Variants in EPS15 observed in about 807,000 individuals in gnomAD.
EPS15 encodes the protein epidermal growth factor receptor pathway substrate 15.
Under a neutral mutation model 113.8 loss-of-function variants are expected in EPS15, and 72 were observed. The observed-to-expected ratio is 0.63, with a 90% CI of 0.52 to 0.77. The LOEUF (loss-of-function observed/expected upper bound fraction) is 0.77, where lower values mean the gene tolerates loss of function less well. Among genes scored for constraint, EPS15 ranks in the 30% least tolerant of loss-of-function variants. The probability of loss-of-function intolerance (pLI) is 0.00; values close to 1 mark genes in which losing one functional copy is unlikely to be tolerated. For synonymous variants in EPS15, 344 were observed against 363.4 expected (o/e 0.95, Z 0.61); for missense variants, 1,048 against 1,045.8 (o/e 1.00, Z -0.03).
intron 1 of EPS15, among the ~76,000 whole-genome samples, chr1:51,505,751 T>C (rs1220545183): frequency 6.6e-6 from 1 of 152,126 alleles, no homozygotes; most frequent in Non-Finnish European, 1.5e-5. Context: ...AAAAAAAGTC[T>C]CTTAATAAAA....
chr1:51,477,550 T>C (rs775922424), intron 2 of EPS15, among the ~76,000 whole-genome samples: 1 of 152,234 alleles, frequency 6.6e-6, no homozygotes, highest in Non-Finnish European at 1.5e-5. Context: ...GATGTTAGGT[T>C]GTCAATTTTA....
intron 1 of EPS15, among the ~76,000 whole-genome samples, chr1:51,497,040 A>C (rs1305209119): frequency 3.9e-5 from 6 of 152,234 alleles, no homozygotes; most frequent in Non-Finnish European, 7.4e-5. Flanking sequence ...ACTGAATAAC[A>C]AGAAATCTTC....
chr1:51,402,085 C>G (rs751045605), intron 18 of EPS15, among the ~76,000 whole-genome samples: 1 of 152,154 alleles, frequency 6.6e-6, no homozygotes, highest in African/African-American at 2.4e-5. Flanking sequence ...TGCAGTGAGC[C>G]GAGATTGTGC....
At chr1:51,421,939 A>G (rs374274603) in intron 12 of EPS15, 81 bp from the exon 13 acceptor site, 206 of 1,578,880 alleles carry the variant, frequency 1.3e-4, no homozygotes, top group Middle Eastern at 5.1e-4. Context: ...CTAATCCTGA[A>G]TCGCTTTTTA....
chr1:51,429,643 GTTTTTTTTTTTT>G (rs57230294), intron 12 of EPS15, among the ~76,000 whole-genome samples: 1 of 129,966 alleles, frequency 7.7e-6, no homozygotes, highest in African/African-American at 2.7e-5. Flanking sequence ...GTTGTTGTTG[GTTTTTTTTTTTT>G]TTTTCTTTTT....
chr1:51,474,950 C>A (rs943754663), intron 2 of EPS15, among the ~76,000 whole-genome samples: 2 of 151,162 alleles, frequency 1.3e-5, no homozygotes, highest in Non-Finnish European at 2.9e-5. Flanking sequence ...TTTGTCCTTG[C>A]GATAGTTTGC....
At chr1:51,518,847 G>A (rs1478569700) in intron 1 of EPS15, among the ~76,000 whole-genome samples, 2 of 151,930 alleles carry the variant, frequency 1.3e-5, no homozygotes, top group South Asian at 2.1e-4. Context: ...CCTGTGGGAG[G>A]AAACTTCCTG....
chr1:51,450,584 C>G (rs959618575), intron 8 of EPS15, among the ~76,000 whole-genome samples: 3 of 151,702 alleles, frequency 2.0e-5, no homozygotes, highest in East Asian at 3.9e-4. Flanking sequence ...GGTTCTCAGC[C>G]AAGAACTTAA....
intron 12 of EPS15, among the ~76,000 whole-genome samples, chr1:51,435,068 G>C (rs1426381465): frequency 1.3e-5 from 2 of 150,586 alleles, no homozygotes; most frequent in African/African-American, 2.4e-5. Context: ...TTTTAAACAT[G>C]TGAAAAAAAA....
chr1:51,431,169 C>T (rs986832039), intron 12 of EPS15, among the ~76,000 whole-genome samples: 1 of 151,740 alleles, frequency 6.6e-6, no homozygotes, highest in African/African-American at 2.4e-5. Context: ...AAATTAGTAG[C>T]CATTAATTAT....
At chr1:51,369,096 G>C (rs565602632) in intron 21 of EPS15, among the ~76,000 whole-genome samples, 1 of 152,274 alleles carries the variant, frequency 6.6e-6, no homozygotes, top group South Asian at 2.1e-4. Context: ...GGTCAGATTT[G>C]ACTGGAATAT....
chr1:51,434,884 C>A (rs1214294225), intron 12 of EPS15, among the ~76,000 whole-genome samples: 1 of 152,008 alleles, frequency 6.6e-6, no homozygotes, highest in African/African-American at 2.4e-5. Flanking sequence ...GTTGGGCAGG[C>A]TGGTCTCGAA....
intron 20 of EPS15, among the ~76,000 whole-genome samples, chr1:51,397,480 G>C (rs775834102): frequency 6.6e-6 from 1 of 152,170 alleles, no homozygotes; most frequent in African/African-American, 2.4e-5. Context: ...TAGCTTTCTT[G>C]CTCTTTAGAT....
intron 2 of EPS15, among the ~76,000 whole-genome samples, 192 bp from the exon 3 acceptor site, chr1:51,473,140 T>C (rs1229555018): frequency 6.6e-6 from 1 of 152,212 alleles, no homozygotes; most frequent in African/African-American, 2.4e-5. Context: ...ACTGGCAATT[T>C]ACAAAGTGGT....
At chr1:51,357,394 ATATATATAT>A (rs1646250641) in intron 24 of EPS15, among the ~76,000 whole-genome samples, 3 of 61,732 alleles carry the variant, frequency 4.9e-5, no homozygotes, top group African/African-American at 1.8e-4. Context: ...AAAAAAAAAT[ATATATATAT>A]ATATATATAT....
At chr1:51,380,376 T>A (rs552103607) in intron 21 of EPS15, among the ~76,000 whole-genome samples, 7 of 152,366 alleles carry the variant, frequency 4.6e-5, no homozygotes, top group African/African-American at 1.7e-4. Context: ...ACTATAATAC[T>A]GGCTCACAAC....
intron 1 of EPS15, among the ~76,000 whole-genome samples, chr1:51,487,153 T>C (rs979221940): frequency 4.6e-5 from 7 of 152,154 alleles, no homozygotes; most frequent in African/African-American, 1.4e-4. Flanking sequence ...CTCTGCAAAA[T>C]ACTGCAATTT....
chr1:51,518,544 G>GA (rs2148576811), intron 1 of EPS15: 1 of 152,978 alleles, frequency 6.5e-6, no homozygotes, highest in African/African-American at 2.4e-5. Context: ...CAGGAGGGGG[G>GA]AGAGGCTGAA....
intron 14 of EPS15, among the ~76,000 whole-genome samples, chr1:51,409,094 T>C (rs1209224587): frequency 7.9e-5 from 12 of 152,302 alleles, no homozygotes; most frequent in African/African-American, 2.6e-4. Flanking sequence ...CCAGCTTTCA[T>C]ATTTTTTGTA....
Sources: allele counts gnomAD v4.1 joint callset (sites outside exome capture counted in the v4.1 genomes callset), GRCh38; gene constraint gnomAD v4.1.1; transcripts MANE v1.5; gene names NCBI Gene and HGNC (gene_info 2026-07-23, HGNC 2026-07-21).